The following LIN28B variants were observed in gnomAD, a reference collection of about 807,000 sequenced individuals.
LIN28B encodes protein lin-28 homolog B.
LIN28B carries 5 observed loss-of-function variants against 21.9 expected under a neutral mutation model. The ratio of observed to expected loss-of-function variants is 0.23; its 90% CI spans 0.12 to 0.48. The LOEUF is 0.48. Among genes scored for constraint, LIN28B ranks in the 20% least tolerant of loss-of-function variants. LIN28B has a pLI of 0.98. For missense variants in LIN28B, 245 were observed against 310.5 expected (o/e 0.79, Z 1.58); for synonymous variants, 109 against 111.3 (o/e 0.98, Z 0.13).
chr6:104,943,663 A>C (rs1345668808), intron 2 of LIN28B, among the ~76,000 whole-genome samples: 1 of 152,130 alleles, frequency 6.6e-6, no homozygotes, highest in East Asian at 1.9e-4. Context: ...AATAGAATTT[A>C]ATTTTCTTTT....
chr6:104,948,595 G>C lies in LIN28B; in HGVS notation c.19-1866G>C, dbSNP rs988854009. ...TTTCATTTCAAAAAACAGTCACCTAGAATAAGAATATGAACATTTAAAATT... is the reference window on the plus strand; with the variant it reads ...TTTCATTTCAAAAAACAGTCACCTACAATAAGAATATGAACATTTAAAATT... On this transcript the variant is annotated intron_variant, in intron 2 of 5. Coordinates refer to the LIN28B transcript ENST00000635857. 7.2e-5 allele frequency among the ~76,000 whole-genome samples: 11 copies of C among 152,110 alleles called. 1 individual carries two copies. The highest frequency in any genetic ancestry group is 6.6e-4 in the Admixed American group (10 of 15,266).
intron 2 of LIN28B, among the ~76,000 whole-genome samples, chr6:104,942,186 T>A (rs369070486): frequency 8.5e-5 from 13 of 152,346 alleles, no homozygotes; most frequent in East Asian, 1.9e-4. Context: ...TGTAGTTTTT[T>A]ATTTATCGAT....
chr6:104,992,789 C>T lies in LIN28B; in HGVS notation c.199-33509C>T, dbSNP rs537877969. 4.6e-5 allele frequency among the ~76,000 whole-genome samples: 7 copies of T among 152,270 alleles called. No individual in the cohort carries two copies. In the South Asian group the frequency reaches 1.5e-3, roughly 32 times the overall value. ...CCTCCCAAAGTTCTGAGATTATAGG[C>T]ATGAGCCATTGTGTCTGGCCTGATC... is the stretch of plus-strand genomic sequence containing the variant. On this transcript the variant is annotated intron_variant, in intron 2 of 3. Transcript: ENST00000345080.
intron 2 of LIN28B, among the ~76,000 whole-genome samples, chr6:104,999,476 G>A (rs1770676720): frequency 6.6e-6 from 1 of 152,086 alleles, no homozygotes; most frequent in Non-Finnish European, 1.5e-5. Context: ...CAAGGTTGCA[G>A]AGAAATAATT....
chr6:105,012,245 A>G (rs181569077), intron 2 of LIN28B, among the ~76,000 whole-genome samples: 289 of 152,120 alleles, frequency 1.9e-3, no homozygotes, highest in African/African-American at 6.6e-3. Flanking sequence ...AGGCAGGTGG[A>G]TCACCTGAGG....
At chr6:105,042,215 T>A (rs1012308025) in intron 3 of LIN28B, among the ~76,000 whole-genome samples, 1 of 151,994 alleles carries the variant, frequency 6.6e-6, no homozygotes, top group East Asian at 1.9e-4. Context: ...AGACACTGAA[T>A]TGGGGGAAGG....
At chr6:105,025,916 A>G (rs551003661) in intron 2 of LIN28B, among the ~76,000 whole-genome samples, 10 of 152,068 alleles carry the variant, frequency 6.6e-5, no homozygotes, top group Middle Eastern at 3.4e-3. Context: ...GTGCTATTAT[A>G]TTAATAATTT....
At chr6:104,945,026 A>G (rs1778140667) in intron 2 of LIN28B, among the ~76,000 whole-genome samples, 1 of 152,180 alleles carries the variant, frequency 6.6e-6, no homozygotes, top group African/African-American at 2.4e-5. Flanking sequence ...TGGAAAGGCA[A>G]GAGCCGAAAT....
intron 2 of LIN28B, among the ~76,000 whole-genome samples, chr6:104,999,872 G>T (rs896684519): frequency 1.3e-5 from 2 of 152,010 alleles, no homozygotes; most frequent in Non-Finnish European, 1.5e-5. Context: ...TAGAGACGGG[G>T]TTTCTCCATG....
At chr6:104,986,258 C>G (rs1770339417) in intron 2 of LIN28B, among the ~76,000 whole-genome samples, 1 of 152,144 alleles carries the variant, frequency 6.6e-6, no homozygotes, top group Non-Finnish European at 1.5e-5. Flanking sequence ...GCCCGAGGAA[C>G]CATGAGCCAA....
chr6:105,023,006 T>C (rs1352898569), intron 2 of LIN28B, among the ~76,000 whole-genome samples: 1 of 150,490 alleles, frequency 6.6e-6, no homozygotes, highest in Non-Finnish European at 1.5e-5. Context: ...ACCAGTGTAA[T>C]TGGAAAAATG....
Position 105,021,504 on chromosome 6 carries a change from T to C in LIN28B, c.199-4794T>C, listed in dbSNP as rs140292502. 3.5e-4 allele frequency among the ~76,000 whole-genome samples: 53 copies of C among 152,066 alleles called. 1 individual carries two copies. The highest frequency in any genetic ancestry group is 1.3e-3 in the African/African-American group (53 of 41,564). ...CTACCAACAGTGTATAAGAGTTCTC[T>C]TTTTCCCACATCCTTGCTAACATCT... On this transcript the variant is annotated intron_variant, in intron 2 of 3. Coordinates refer to ENST00000345080, the MANE Select transcript of LIN28B (RefSeq NM_001004317.4).
At chr6:105,007,174 G>A (rs1489863311) in intron 2 of LIN28B, among the ~76,000 whole-genome samples, 1 of 152,124 alleles carries the variant, frequency 6.6e-6, no homozygotes, top group African/African-American at 2.4e-5. Context: ...TAAATATACT[G>A]TTAATGAAAA....
intron 2 of LIN28B, among the ~76,000 whole-genome samples, chr6:104,946,727 C>G (rs981870579): frequency 6.6e-6 from 1 of 152,018 alleles, no homozygotes; most frequent in Non-Finnish European, 1.5e-5. Context: ...GTGTTGCTTT[C>G]CAAAGAATGT....
At chr6:105,026,584 A>T in intron 3 of LIN28B, 102 bp downstream of exon 3, 1 of 715,916 alleles carries the variant, frequency 1.4e-6, no homozygotes, top group Non-Finnish European at 2.4e-6. Context: ...AGCCAAAGGA[A>T]ACCACCATCA....
chr6:105,068,440 A>T (rs1236721732), intron 3 of LIN28B, among the ~76,000 whole-genome samples: 1 of 152,106 alleles, frequency 6.6e-6, no homozygotes, highest in African/African-American at 2.4e-5. Flanking sequence ...GTAGTTGATA[A>T]TTTTTTTTAA....
At chr6:105,043,551 A>G (rs1771686741) in intron 3 of LIN28B, among the ~76,000 whole-genome samples, 1 of 150,222 alleles carries the variant, frequency 6.7e-6, no homozygotes. Context: ...TTAACCAGTT[A>G]CTTAAAAAAC....
chr6:105,075,603 T>C (rs1443922893), intron 3 of LIN28B, among the ~76,000 whole-genome samples: 2 of 152,186 alleles, frequency 1.3e-5, no homozygotes, highest in African/African-American at 2.4e-5. Flanking sequence ...AGGGGGTGAA[T>C]TAACTATGCA....
intron 3 of LIN28B, among the ~76,000 whole-genome samples, chr6:104,951,438 T>G (rs1002965319): frequency 6.6e-6 from 1 of 152,152 alleles, no homozygotes; most frequent in African/African-American, 2.4e-5. Context: ...GGTGATACTC[T>G]AATATCATGA....
Sources: gnomAD v4.1 joint callset for allele counts (sites outside exome capture counted in the v4.1 genomes callset) on GRCh38, gnomAD v4.1.1 for gene constraint, MANE v1.5 for transcripts, NCBI Gene and HGNC (gene_info 2026-07-23, HGNC 2026-07-21) for gene names.